The following MYH15 variants were observed in gnomAD, a reference collection of about 807,000 sequenced individuals.
MYH15 encodes myosin-15.
In MYH15, 227 loss-of-function variants were observed where a neutral mutation model predicts 240.5. The observed-to-expected ratio is 0.94, with a 90% CI of 0.85 to 1.05. MYH15 has a LOEUF of 1.05. Ranked by LOEUF, MYH15 falls within the 50% of genes least tolerant of loss-of-function variation. The probability of loss-of-function intolerance (pLI) is 0.00; values close to 1 mark genes in which losing one functional copy is unlikely to be tolerated. For synonymous variants in MYH15, 785 were observed against 796.7 expected, an observed-to-expected ratio of 0.99 and a Z score of 0.25; for missense variants, 2,217 against 2,247.5, an observed-to-expected ratio of 0.99 and a Z score of 0.27.
At chr3:108,506,963 G>A (rs558472566) in intron 1 of MYH15, among the ~76,000 whole-genome samples, 138 of 152,148 alleles carry the variant, frequency 9.1e-4, no homozygotes, top group Non-Finnish European at 1.6e-3. Flanking sequence ...CCAGAGAGTC[G>A]GAGGTTGCAG....
chr3:108,384,637 C>G (rs185468430), intron 39 of MYH15, 50 bp downstream of exon 39: 2 of 1,539,428 alleles, frequency 1.3e-6, no homozygotes, highest in Non-Finnish European at 1.8e-6. Flanking sequence ...CTCCCTTAAT[C>G]AAAACAACAC....
intron 2 of MYH15, 99 bp from the exon 3 acceptor site, chr3:108,501,954 A>G: frequency 7.7e-7 from 1 of 1,302,726 alleles, no homozygotes. Flanking sequence ...AAAAGAAAAA[A>G]TGATGCCTCA....
intron 16 of MYH15, among the ~76,000 whole-genome samples, chr3:108,461,378 T>A (rs2107581366): frequency 6.6e-6 from 1 of 152,272 alleles, no homozygotes; most frequent in African/African-American, 2.4e-5. Flanking sequence ...TGGTTTAAAT[T>A]ATTTGGATTC....
rs758028047 is a variant in MYH15 at position 108,486,434 on chromosome 3, G to C, written c.964C>G (p.Leu322Val). Residue 322 changes from leucine to valine, a missense_variant, in exon 10 of 41, where the codon CTG becomes GTG. Physicochemically the swap from Leu to Val is conservative, Grantham distance 32. Transcript: ENST00000693548. ...CTAACAAGCCTTACTTCTGTGGCCA[G>C]CAATTCTTCAGCATCATCCAAGCTC... ...VESLDDAEELLATEQAMDILG... is the reference protein window; with the variant it reads ...VESLDDAEELVATEQAMDILG... 1.2e-6 allele frequency: 2 copies of C among 1,610,240 alleles called. No homozygotes were observed. Among genetic ancestry groups the C allele is most frequent in the Non-Finnish European group, 1.7e-6 (2 of 1,177,200 alleles).
Position 108,476,614 on chromosome 3 carries a change from G to C in MYH15, c.1115-99C>G, listed in dbSNP as rs1409531496. 1.6e-5 allele frequency: 12 copies of C among 768,478 alleles called. No individual in the cohort carries two copies. The East Asian group carries it at 3.1e-4, about 20-fold the overall frequency. 47.6% of individuals were successfully genotyped at this position (768,478 alleles called of 1,614,324 possible). Reference sequence around the variant, plus strand: ...TAACTACCCAGAGGACAGAAAGATAGTGTGTTTACATCAGCGTAGCAAAGT... The same window carrying C: ...TAACTACCCAGAGGACAGAAAGATACTGTGTTTACATCAGCGTAGCAAAGT... On this transcript the variant is annotated intron_variant, in intron 11 of 40. Transcript: ENST00000693548.
At chr3:108,403,427 T>G (rs1219951628) in intron 33 of MYH15, among the ~76,000 whole-genome samples, 1 of 152,078 alleles carries the variant, frequency 6.6e-6, no homozygotes, top group Non-Finnish European at 1.5e-5. Flanking sequence ...GATCTTGCCC[T>G]CAGGCAATAT....
At chr3:108,477,281 G>A (rs1438461143) in intron 11 of MYH15, among the ~76,000 whole-genome samples, 1 of 152,132 alleles carries the variant, frequency 6.6e-6, no homozygotes, top group Non-Finnish European at 1.5e-5. Context: ...AATCCATAAG[G>A]ACAGAAAGTC....
rs541963836 is a variant in MYH15 at position 108,527,071 on chromosome 3, A to G, written c.-58+2192T>C. Among the ~76,000 whole-genome samples, 7 of 152,280 alleles carry G rather than the reference A, an allele frequency of 4.6e-5. No individual in the cohort carries two copies. The South Asian group carries it at 1.2e-3, about 27-fold the overall frequency. On this transcript the variant is annotated intron_variant, in intron 1 of 41. Coordinates refer to the MYH15 transcript ENST00000273353. ...ATCAGAATTATTTAGAGGGTTTGTT[A>G]AAACGCAGATTGCCATGTGTCACTC...
the MYH15 span, chr3:108,543,890 C>T: frequency 6.6e-6 from 1 of 152,210 alleles, no homozygotes; most frequent in Non-Finnish European, 1.5e-5. Flanking sequence ...GCATATGGTT[C>T]TCCTCCGAAG....
At chr3:108,494,104 T>C (rs1014187531) in intron 7 of MYH15, among the ~76,000 whole-genome samples, 2 of 152,060 alleles carry the variant, frequency 1.3e-5, no homozygotes, top group Admixed American at 6.5e-5. Flanking sequence ...GAAGACAGCC[T>C]GGGGGAGGCT....
intron 25 of MYH15, among the ~76,000 whole-genome samples, chr3:108,433,036 G>T (rs975464664): frequency 2.6e-5 from 4 of 152,142 alleles, no homozygotes; most frequent in Non-Finnish European, 5.9e-5. Context: ...TTTGCACCAC[G>T]CACCTGGAAA....
At chr3:108,522,130 T>C (rs984832426) in intron 1 of MYH15, among the ~76,000 whole-genome samples, 5 of 151,966 alleles carry the variant, frequency 3.3e-5, no homozygotes, top group Non-Finnish European at 5.9e-5. Context: ...CATGCACCAA[T>C]AGACTCGGAG....
intron 12 of MYH15, among the ~76,000 whole-genome samples, chr3:108,474,571 G>A (rs917900503): frequency 6.6e-6 from 1 of 151,218 alleles, no homozygotes; most frequent in Non-Finnish European, 1.5e-5. Context: ...TATACAATGT[G>A]GTAATGATCA....
At chr3:108,462,608 A>C (rs542483481) in intron 16 of MYH15, among the ~76,000 whole-genome samples, 1 of 152,224 alleles carries the variant, frequency 6.6e-6, no homozygotes, top group East Asian at 1.9e-4. Context: ...ACTACTAAAC[A>C]AGATTAGTTG....
At chr3:108,459,989 A>G (rs1202988471) in intron 17 of MYH15, among the ~76,000 whole-genome samples, 2 of 152,164 alleles carry the variant, frequency 1.3e-5, no homozygotes, top group African/African-American at 4.8e-5. Flanking sequence ...GGGAGAGGCT[A>G]AAGTCTGGAG....
chr3:108,446,902 TA>T (rs1258143668), intron 21 of MYH15, among the ~76,000 whole-genome samples: 1 of 152,164 alleles, frequency 6.6e-6, no homozygotes, highest in Non-Finnish European at 1.5e-5. Flanking sequence ...AATGGAGATC[TA>T]TGAATTGCTG....
chr3:108,485,313 G>C (rs1049229730), intron 10 of MYH15, 84 bp from the exon 11 acceptor site: 22 of 1,486,312 alleles, frequency 1.5e-5, no homozygotes, highest in Non-Finnish European at 1.8e-5. Context: ...TTACACCTCG[G>C]GCTGTGGGCT....
chr3:108,545,150 A>G, the MYH15 span, among the ~76,000 whole-genome samples: 1,064 of 152,258 alleles, frequency 7.0e-3, 5 homozygotes, highest in African/African-American at 0.024. Context: ...ATGTTAATTT[A>G]CCACTGCTTA....
Position 108,381,262 on chromosome 3 carries a change from T to C in MYH15, c.*283A>G, listed in dbSNP as rs1273985949. 2 of 499,054 alleles carry C rather than the reference T, an allele frequency of 4.0e-6. No homozygotes were observed. The highest frequency in any genetic ancestry group is 7.2e-6 in the Non-Finnish European group (2 of 278,112). 30.9% of individuals were successfully genotyped at this position (499,054 alleles called of 1,614,324 possible). A position where few individuals can be genotyped will look rare whatever the true frequency, so the allele number is the denominator to read the frequency against. ...ATATGGACAAAGGATCAAGTATTTA[T>C]TCATTTTTTAAACATCAGAATTGAA... is the stretch of plus-strand genomic sequence containing the variant. On this transcript the variant is annotated 3_prime_UTR_variant, in exon 41 of 41. Transcript: ENST00000693548.
Sources: allele counts gnomAD v4.1 joint callset (sites outside exome capture counted in the v4.1 genomes callset), GRCh38; gene constraint gnomAD v4.1.1; transcripts MANE v1.5; gene names NCBI Gene and HGNC (gene_info 2026-07-23, HGNC 2026-07-21).